Variants in C8orf34 observed in about 807,000 individuals in gnomAD.
C8orf34 encodes chromosome 8 open reading frame 34.
A neutral mutation model predicts 68.3 loss-of-function variants in C8orf34; 65 were observed. The ratio of observed to expected loss-of-function variants is 0.95; its 90% CI spans 0.78 to 1.17. C8orf34 has a LOEUF of 1.17. C8orf34 is among the 50% of genes most tolerant of loss of function. The probability of loss-of-function intolerance (pLI) is 0.00; values close to 1 mark genes in which losing one functional copy is unlikely to be tolerated. For synonymous variants in C8orf34, 244 were observed against 241.2 expected, an observed-to-expected ratio of 1.01 and a Z score of -0.11; for missense variants, 664 against 655.4, an observed-to-expected ratio of 1.01 and a Z score of -0.14.
chr8:68,629,679 A>C (rs1014875391), intron 7 of C8orf34, among the ~76,000 whole-genome samples: 1 of 152,198 alleles, frequency 6.6e-6, no homozygotes, highest in Non-Finnish European at 1.5e-5. Flanking sequence ...TGAGATTATA[A>C]TAATAAATGA....
At chr8:68,533,871 T>C in intron 7 of C8orf34, 1 of 965,718 alleles carries the variant, frequency 1.0e-6, no homozygotes, top group Non-Finnish European at 1.2e-6. Flanking sequence ...CAATGAGTTT[T>C]GAAGTCAGTG....
At chr8:68,791,718 G>A (rs1823999013) in intron 12 of C8orf34, 1 of 152,180 alleles carries the variant, frequency 6.6e-6, no homozygotes, top group African/African-American at 2.4e-5. Context: ...TTGGGTCCTA[G>A]TTCTTCCTGA....
intron 10 of C8orf34, among the ~76,000 whole-genome samples, chr8:68,763,053 C>T (rs1290906324): frequency 4.6e-5 from 7 of 152,134 alleles, no homozygotes; most frequent in Non-Finnish European, 1.0e-4. Context: ...TAAAGTCTGT[C>T]CTAGGCATCA....
intron 7 of C8orf34, among the ~76,000 whole-genome samples, chr8:68,559,612 T>G (rs1320979655): frequency 1.8e-4 from 27 of 152,192 alleles, no homozygotes; most frequent in Non-Finnish European, 3.1e-4. Flanking sequence ...GTGACCTGTT[T>G]TAATACAGAA....
intron 2 of C8orf34, among the ~76,000 whole-genome samples, chr8:68,441,605 C>T (rs1810914365): frequency 6.6e-6 from 1 of 152,064 alleles, no homozygotes; most frequent in Non-Finnish European, 1.5e-5. Flanking sequence ...CTCAAGTGAT[C>T]CTCCTGCTTC....
chr8:68,776,340 T>C (rs1823517098), intron 10 of C8orf34, 59 bp from the exon 11 acceptor site: 1 of 1,323,526 alleles, frequency 7.6e-7, no homozygotes. Flanking sequence ...CCACGATTCT[T>C]TCATTCTTTT....
chr8:68,713,612 T>A (rs147737699), intron 9 of C8orf34, among the ~76,000 whole-genome samples: 3,738 of 152,052 alleles, frequency 0.025, 150 homozygotes, highest in African/African-American at 0.085. Flanking sequence ...CAGGAAGATA[T>A]AGAATCTCTG....
At chr8:68,590,501 AAT>A (rs1372366309) in intron 7 of C8orf34, among the ~76,000 whole-genome samples, 1 of 152,156 alleles carries the variant, frequency 6.6e-6, no homozygotes, top group African/African-American at 2.4e-5. Flanking sequence ...GGAAAATTTA[AAT>A]ATGTTTGGCA....
rs1318613784 is a variant in C8orf34, at chr8:68,640,365, T to C, written c.1106-11T>C. 2 of 1,610,224 alleles carry C rather than the reference T, an allele frequency of 1.2e-6. No individual in the cohort carries two copies. Among genetic ancestry groups the C allele is most frequent in the East Asian group, 2.2e-5 (1 of 44,874 alleles). On this transcript the variant is annotated splice_polypyrimidine_tract_variant and intron_variant, in intron 7 of 13. Transcript: ENST00000518698. ...TAATTTTTTTCTCTGTAATTGTTTG[T>C]GTTGTTACAGAGGATCTTAATGATT...
chr8:68,740,733 C>G (rs1822264616), intron 10 of C8orf34, among the ~76,000 whole-genome samples: 1 of 152,166 alleles, frequency 6.6e-6, no homozygotes, highest in Non-Finnish European at 1.5e-5. Context: ...AATCCCATTA[C>G]TGGGTATATT....
chr8:68,606,783 C>T (rs1817867352), intron 7 of C8orf34, among the ~76,000 whole-genome samples: 1 of 152,062 alleles, frequency 6.6e-6, no homozygotes, highest in Non-Finnish European at 1.5e-5. Context: ...TGAGGTCATG[C>T]ATAAAATCTA....
intron 9 of C8orf34, among the ~76,000 whole-genome samples, chr8:68,718,654 G>A (rs565650989): frequency 2.0e-4 from 30 of 152,126 alleles, no homozygotes; most frequent in Non-Finnish European, 4.0e-4. Flanking sequence ...CTCGGGAAGC[G>A]TAAACATTTC....
intron 1 of C8orf34, among the ~76,000 whole-genome samples, chr8:68,345,507 A>G (rs2129618254): frequency 6.6e-6 from 1 of 152,154 alleles, no homozygotes; most frequent in East Asian, 1.9e-4. Flanking sequence ...GAGGAACTGA[A>G]TAACCAATTT....
At chr8:68,759,415 T>A (rs6472419) in intron 10 of C8orf34, among the ~76,000 whole-genome samples, 45,710 of 152,066 alleles carry the variant, frequency 0.3, 7,577 homozygotes, top group African/African-American at 0.44. Context: ...TGCAATTTTG[T>A]GTTTTCTTGT....
At position 68,510,852 on chromosome 8, in the gene C8orf34, G is replaced by A. The variant is rs138539120; in HGVS notation, c.766-10947G>A. 1.5e-3 allele frequency among the ~76,000 whole-genome samples: 232 copies of A among 152,252 alleles called. 8 individuals carry two copies. In the East Asian group the frequency reaches 0.038, roughly 25 times the overall value. On this transcript the variant is annotated intron_variant, in intron 5 of 13. Transcript: ENST00000518698. ...GGGTATTCTCCAATACCTGTGAGTTGTGTGATCCTCTTCTCTTAAGGTCTG... is the reference window on the plus strand; with the variant it reads ...GGGTATTCTCCAATACCTGTGAGTTATGTGATCCTCTTCTCTTAAGGTCTG...
chr8:68,722,802 T>C (rs140324604), intron 10 of C8orf34, among the ~76,000 whole-genome samples: 12 of 152,144 alleles, frequency 7.9e-5, no homozygotes, highest in African/African-American at 2.6e-4. Flanking sequence ...TACATATATA[T>C]GTATGTTGAA....
intron 10 of C8orf34, among the ~76,000 whole-genome samples, chr8:68,733,901 C>T (rs1822053084): frequency 6.6e-6 from 1 of 152,108 alleles, no homozygotes; most frequent in African/African-American, 2.4e-5. Context: ...AAATATCTCT[C>T]CACGATGTCA....
At chr8:68,698,182 T>G (rs1162065510) in intron 8 of C8orf34, among the ~76,000 whole-genome samples, 1 of 152,080 alleles carries the variant, frequency 6.6e-6, no homozygotes, top group African/African-American at 2.4e-5. Flanking sequence ...ACATCCCAAT[T>G]GCCATTTGCG....
intron 8 of C8orf34, among the ~76,000 whole-genome samples, chr8:68,675,655 A>T (rs1820164391): frequency 6.6e-6 from 1 of 152,172 alleles, no homozygotes; most frequent in Non-Finnish European, 1.5e-5. Context: ...GAAGACATAT[A>T]GGAATGAAAG....
Sources: gnomAD v4.1 joint callset for allele counts (sites outside exome capture counted in the v4.1 genomes callset) on GRCh38, gnomAD v4.1.1 for gene constraint, MANE v1.5 for transcripts, NCBI Gene and HGNC (gene_info 2026-07-23, HGNC 2026-07-21) for gene names.